Variants in PTPRF observed in about 807,000 individuals in gnomAD.
PTPRF encodes protein tyrosine phosphatase receptor type F.
Under a neutral mutation model 201.8 loss-of-function variants are expected in PTPRF, and 59 were observed. That is an observed-to-expected ratio of 0.29 (90% CI 0.24 to 0.36). PTPRF has a LOEUF of 0.36. Among genes scored for constraint, PTPRF ranks in the 10% least tolerant of loss-of-function variants. PTPRF has a pLI of 1.00. For synonymous variants in PTPRF, 1,088 were observed against 1,089.7 expected, an observed-to-expected ratio of 1.00 and a Z score of 0.03; for missense variants, 2,132 against 2,690.5, an observed-to-expected ratio of 0.79 and a Z score of 4.59.
chr1:43,596,975 G>C (rs894889896), intron 11 of PTPRF, among the ~76,000 whole-genome samples: 1 of 152,110 alleles, frequency 6.6e-6, no homozygotes, highest in Non-Finnish European at 1.5e-5. Flanking sequence ...CTGTGTGAGA[G>C]ACACTGATAC....
At chr1:43,581,962 C>T (rs539253107) in intron 7 of PTPRF, among the ~76,000 whole-genome samples, 8 of 152,300 alleles carry the variant, frequency 5.3e-5, no homozygotes, top group Middle Eastern at 3.4e-3. Flanking sequence ...GCCAGTGGCA[C>T]CCCTCAGTCA....
In PTPRF at chr1:43,554,835, TTTTTC is replaced by T. The variant is rs1645244379; in HGVS notation, c.379+903_379+907del. 1.3e-5 allele frequency among the ~76,000 whole-genome samples: 2 copies of T among 151,914 alleles called. No individual in the cohort carries two copies. Among genetic ancestry groups the T allele is most frequent in the African/African-American group, 4.8e-5 (2 of 41,340 alleles). ...TATAGCATCGATTGTTGCTTGCTTT[TTTTTC>T]TTTTCTTTCTTTCTTTCTTTTTTTT... On this transcript the variant is annotated intron_variant, in intron 5 of 33. Transcript: ENST00000359947. This position sits in a 1 kb window ranked among gnomAD's most constrained non-coding sequence, Gnocchi z 4.1.
At position 43,603,679 on chromosome 1, in the gene PTPRF, C is replaced by G; in HGVS notation, c.2527C>G (p.Pro843Ala). The part of the protein sequence containing the change: ...MNTALLQWHP[P>A]KELPGELLGY... ...CACTGCGCTGCTCCAGTGGCACCCA[C>G]CCAAGGAACTGCCTGGCGAGCTGCT... is the stretch of plus-strand genomic sequence containing the variant. The change falls in exon 16 of 34, where the codon CCC (proline) becomes GCC (alanine). Residue 843 changes from proline to alanine, a missense_variant. This residue lies in a region of PTPRF where 818 missense variants were observed against 915.3 expected (regional missense o/e 0.89). Coordinates refer to ENST00000359947, the MANE Select transcript of PTPRF (RefSeq NM_002840.5). This position sits in a 1 kb window ranked among gnomAD's most constrained non-coding sequence, Gnocchi z 5.8. The G allele has an allele frequency of 6.2e-7, 1 of 1,613,702 alleles. No individual in the cohort carries two copies. Among genetic ancestry groups the G allele is most frequent in the Non-Finnish European group, 8.5e-7 (1 of 1,180,012 alleles).
rs910717547 is a variant in PTPRF at position 43,532,884 on chromosome 1, A to C, written c.-126+1794A>C. Reference sequence around the variant, plus strand: ...CACTCAGCTCACCCCCTCCACCCCCACACACACTCCCTATTCAGCTGCTTT... The same window carrying C: ...CACTCAGCTCACCCCCTCCACCCCCCCACACACTCCCTATTCAGCTGCTTT... On this transcript the variant is annotated intron_variant, in intron 1 of 33. Coordinates refer to ENST00000359947, the MANE Select transcript of PTPRF (RefSeq NM_002840.5). 1.3e-4 allele frequency among the ~76,000 whole-genome samples: 19 copies of C among 149,698 alleles called. No homozygotes were observed. In the South Asian group the frequency reaches 1.5e-3, roughly 12 times the overall value.
At chr1:43,585,948 G>A (rs767613276) in intron 7 of PTPRF, among the ~76,000 whole-genome samples, 9 of 152,114 alleles carry the variant, frequency 5.9e-5, no homozygotes, top group Non-Finnish European at 1.2e-4. Flanking sequence ...CCTTACGCCC[G>A]CTGGAGCAGC....
At chr1:43,576,632 A>G (rs904823156) in intron 6 of PTPRF, among the ~76,000 whole-genome samples, 1 of 152,240 alleles carries the variant, frequency 6.6e-6, no homozygotes, top group Admixed American at 6.5e-5. Flanking sequence ...CTTACCACCT[A>G]TGTGATCTTC....
upstream of PTPRF, chr1:43,528,634 T>C (rs573570204): frequency 1.3e-5 from 2 of 152,220 alleles, no homozygotes; most frequent in African/African-American, 2.4e-5. Flanking sequence ...TGGTCTCTAG[T>C]CTCTGTTTTT....
chr1:43,619,439 A>C lies in PTPRF; in HGVS notation c.4798A>C (p.Ile1600Leu), dbSNP rs1395449668. ...MVQTEDQYVF[I>L]HEALLEAATC... ...GCAGACGGAGGACCAGTACGTGTTC[A>C]TCCATGAGGCGCTGCTGGAGGCTGC... is the stretch of plus-strand genomic sequence containing the variant. The change falls in exon 28 of 34, where the codon ATC (isoleucine) becomes CTC (leucine). Residue 1600 changes from isoleucine (I) to leucine (L), a missense_variant. Around this residue, in one of 6 missense-constraint regions of PTPRF, gnomAD observed 519 missense variants for 659.5 expected, o/e 0.79. Transcript: ENST00000359947. 6.2e-7 allele frequency: 1 copy of C among 1,614,118 alleles called. No homozygotes were observed. The highest frequency in any genetic ancestry group is 1.1e-5 in the South Asian group (1 of 91,084).
At chr1:43,575,853 T>G in intron 6 of PTPRF, 2 of 1,329,014 alleles carry the variant, frequency 1.5e-6, no homozygotes, top group Non-Finnish European at 2.0e-6. Flanking sequence ...GTGGCTTTCC[T>G]TCCTTTTATA....
At chr1:43,591,695 A>G in intron 9 of PTPRF, 117 bp from the exon 10 acceptor site, 1 of 1,460,082 alleles carries the variant, frequency 6.8e-7, no homozygotes, top group Non-Finnish European at 9.2e-7. Flanking sequence ...ATGTGTGGTC[A>G]GTTGGGATGT....
intron 5 of PTPRF, among the ~76,000 whole-genome samples, chr1:43,558,963 C>T (rs1323020724): frequency 1.3e-5 from 2 of 152,118 alleles, no homozygotes; most frequent in Non-Finnish European, 2.9e-5. Context: ...TGGGTAGGTT[C>T]TGGGAGGGAC....
intron 5 of PTPRF, among the ~76,000 whole-genome samples, chr1:43,559,809 GGT>G (rs1457864977): frequency 6.6e-6 from 1 of 150,524 alleles, no homozygotes; most frequent in African/African-American, 2.4e-5. Flanking sequence ...GGCAGTGTGT[GGT>G]GTGTGTGTGC....
chr1:43,609,557 G>T lies in PTPRF; in HGVS notation c.3973+59G>T, dbSNP rs17849112. 3 of 1,283,996 alleles carry T rather than the reference G, an allele frequency of 2.3e-6. No individual in the cohort carries two copies. The East Asian group carries it at 7.4e-5, about 32-fold the overall frequency. 79.5% of individuals were successfully genotyped at this position (1,283,996 alleles called of 1,614,324 possible). ...CCAGACCTAGCAGGCCTGTGGGTCTGTTCTGCAGGTCTCAGGGTCGCCACT... is the reference window on the plus strand; with the variant it reads ...CCAGACCTAGCAGGCCTGTGGGTCTTTTCTGCAGGTCTCAGGGTCGCCACT... On this transcript the variant is annotated intron_variant, in intron 22 of 33. Transcript: ENST00000359947.
Position 43,554,929 on chromosome 1 carries a change from CT to C in PTPRF, c.379+989del, listed in dbSNP as rs1187101695. ...AGTGCAATGGTGTGATCTCAGCTCA[CT>C]GCAACCTCTGCCTCCCGGGTTCAAG... is the stretch of plus-strand genomic sequence containing the variant. On this transcript the variant is annotated intron_variant, in intron 5 of 33. Coordinates refer to ENST00000359947, the MANE Select transcript of PTPRF (RefSeq NM_002840.5). This position sits in a 1 kb window ranked among gnomAD's most constrained non-coding sequence, Gnocchi z 4.1. Among the ~76,000 whole-genome samples, 3 of 150,732 alleles carry C rather than the reference CT, an allele frequency of 2.0e-5. No homozygotes were observed. Among genetic ancestry groups the C allele is most frequent in the African/African-American group, 7.4e-5 (3 of 40,770 alleles).
At chr1:43,575,223 C>A (rs1051398254) in intron 6 of PTPRF, among the ~76,000 whole-genome samples, 16 of 152,198 alleles carry the variant, frequency 1.1e-4, no homozygotes, top group Admixed American at 6.5e-5. Context: ...GGGTTACCAA[C>A]CCTCAGGGTT....
intron 16 of PTPRF, 31 bp downstream of exon 16, chr1:43,604,220 G>A (rs886745615): frequency 6.9e-6 from 11 of 1,596,092 alleles, no homozygotes; most frequent in East Asian, 4.5e-5. Flanking sequence ...ATCCCTTCCC[G>A]AGTGTGGCTG....
At chr1:43,589,602 A>G (rs957183658) in intron 8 of PTPRF, among the ~76,000 whole-genome samples, 6 of 151,584 alleles carry the variant, frequency 4.0e-5, no homozygotes, top group African/African-American at 1.5e-4. Context: ...CATTCCTGTA[A>G]GCCTAGCGCT....
At chr1:43,572,679 C>T (rs1429191493) in intron 6 of PTPRF, among the ~76,000 whole-genome samples, 4 of 152,194 alleles carry the variant, frequency 2.6e-5, no homozygotes, top group Admixed American at 6.5e-5. Flanking sequence ...GGGACCTTTA[C>T]GGTTTACGCA....
chr1:43,561,325 C>T (rs180928303), intron 5 of PTPRF, among the ~76,000 whole-genome samples: 28 of 152,296 alleles, frequency 1.8e-4, no homozygotes, highest in Admixed American at 1.8e-3. Context: ...CACCTCCTTC[C>T]CTGCTCCAAA....
Sources: gnomAD v4.1 joint callset for allele counts (sites outside exome capture counted in the v4.1 genomes callset) on GRCh38, gnomAD v4.1.1 for gene constraint, gnomAD v4.1.1 regional missense constraint, Gnocchi (gnomAD v3.1) non-coding constraint, MANE v1.5 for transcripts, NCBI Gene and HGNC (gene_info 2026-07-23, HGNC 2026-07-21) for gene names.